Variants in PDZD2 observed in about 807,000 individuals in gnomAD.
PDZD2 encodes PDZ domain containing 2.
Under a neutral mutation model 220.7 loss-of-function variants are expected in PDZD2, and 90 were observed. The ratio of observed to expected loss-of-function variants is 0.41; its 90% confidence interval spans 0.34 to 0.49. The LOEUF is 0.49. PDZD2 is among the 20% of genes least tolerant of loss of function. The pLI is 0.28. For synonymous variants in PDZD2, 1,375 were observed against 1,450.5 expected (o/e 0.95, Z 1.18); for missense variants, 3,174 against 3,608.5 (o/e 0.88, Z 3.08).
At chr5:32,058,770 A>G (rs1391937409) in intron 12 of PDZD2, among the ~76,000 whole-genome samples, 1 of 152,182 alleles carries the variant, frequency 6.6e-6, no homozygotes, top group Non-Finnish European at 1.5e-5. Context: ...TACAGTTAAC[A>G]CTAGTAACTA....
chr5:32,039,556 CCT>C (rs1298264860), intron 7 of PDZD2, among the ~76,000 whole-genome samples: 1 of 152,178 alleles, frequency 6.6e-6, no homozygotes, highest in African/African-American at 2.4e-5. Context: ...AGCGTCTCTG[CCT>C]GGCCACCCAT....
chr5:31,795,120 A>T (rs1753951776), intron 1 of PDZD2, among the ~76,000 whole-genome samples: 1 of 152,172 alleles, frequency 6.6e-6, no homozygotes, highest in Admixed American at 6.5e-5. Context: ...AGAAAGATTA[A>T]ATTTAACTTC....
rs572694272 is a variant in PDZD2 at position 31,764,454 on chromosome 5, G to A, written c.-360-34435G>A. On this transcript the variant is annotated intron_variant, in intron 1 of 24. Coordinates refer to ENST00000438447, the MANE Select transcript of PDZD2 (RefSeq NM_178140.4). ...GAACTTCTGGAATATTTGCCTCTAA[G>A]AAGTAGGGCAACCTCGAGTCAAAGC... Among the ~76,000 whole-genome samples the A allele has an allele frequency of 3.7e-4, 57 of 152,260 alleles. 2 individuals are homozygous for A. In the South Asian group the frequency reaches 0.011, roughly 30 times the overall value.
intron 2 of PDZD2, among the ~76,000 whole-genome samples, chr5:31,929,468 C>A (rs1745062325): frequency 6.6e-6 from 1 of 152,218 alleles, no homozygotes; most frequent in African/African-American, 2.4e-5. Flanking sequence ...TTTAAAATAT[C>A]TGCGGACAGT....
rs577770356 is a variant in PDZD2 at position 31,763,868 on chromosome 5, A to AT, written c.-360-35019dup. Among the ~76,000 whole-genome samples, 964 of 109,094 alleles carry AT rather than the reference A, an allele frequency of 8.8e-3. 11 individuals are homozygous for AT. Among genetic ancestry groups the AT allele is most frequent in the African/African-American group, 0.034 (899 of 26,400 alleles). 71.6% of individuals were successfully genotyped at this position (109,094 alleles called of 152,430 possible). A position where few individuals can be genotyped will look rare whatever the true frequency, so the allele number is the denominator to read the frequency against. ...GTAAAGGAGAGGAGGGAGCCCTCTG[A>AT]TTAAAAAAAAAAAAAAAAAAGTCAT... On this transcript the variant is annotated intron_variant, in intron 1 of 24. Transcript: ENST00000438447.
At position 32,083,967 on chromosome 5, in the gene PDZD2, C is replaced by T. The variant is rs756678838; in HGVS notation, c.3683-3164C>T. Among the ~76,000 whole-genome samples the T allele has an allele frequency of 6.6e-6, 1 of 152,140 alleles. No homozygotes were observed. Among genetic ancestry groups the T allele is most frequent in the African/African-American group, 2.4e-5 (1 of 41,430 alleles). ...TGCTGGGATTACAGGCATGAGCCAC[C>T]GCCCACGGCCTGAATATGAAATTTA... On this transcript the variant is annotated intron_variant, in intron 19 of 24. Coordinates refer to ENST00000438447, the MANE Select transcript of PDZD2 (RefSeq NM_178140.4). This position sits in a 1 kb window ranked among gnomAD's most constrained non-coding sequence, Gnocchi z 4.1.
chr5:31,755,046 G>A (rs1580692856), intron 1 of PDZD2, among the ~76,000 whole-genome samples: 1 of 152,308 alleles, frequency 6.6e-6, no homozygotes, highest in East Asian at 1.9e-4. Flanking sequence ...GTGATGTGGG[G>A]CATCCTGCTT....
At chr5:31,938,574 C>T (rs533715393) in intron 2 of PDZD2, among the ~76,000 whole-genome samples, 26 of 152,108 alleles carry the variant, frequency 1.7e-4, no homozygotes, top group African/African-American at 6.0e-4. Context: ...TCTGGTAATT[C>T]ACACAAGTCA....
intron 3 of PDZD2, among the ~76,000 whole-genome samples, chr5:31,984,254 G>C (rs1048127366): frequency 3.3e-5 from 5 of 152,210 alleles, no homozygotes; most frequent in Non-Finnish European, 7.3e-5. Flanking sequence ...AAATCCAGCT[G>C]TGAGGGTCAA....
intron 1 of PDZD2, among the ~76,000 whole-genome samples, chr5:31,675,992 G>A (rs965644320): frequency 1.3e-5 from 2 of 152,262 alleles, no homozygotes; most frequent in South Asian, 2.1e-4. Context: ...GTGAGCCACC[G>A]TGCCCAGCCT....
chr5:31,787,654 T>A (rs565409940), intron 1 of PDZD2: 1 of 152,106 alleles, frequency 6.6e-6, no homozygotes, highest in Non-Finnish European at 1.5e-5. Context: ...AACCCAGAAA[T>A]TGAAGGATCT....
At chr5:32,069,699 A>G in intron 15 of PDZD2, 49 bp downstream of exon 15, 1 of 951,980 alleles carries the variant, frequency 1.1e-6, no homozygotes. Context: ...GTTTCTCATT[A>G]AGTTCACCCA....
intron 1 of PDZD2, among the ~76,000 whole-genome samples, chr5:31,698,046 T>G (rs57055582): frequency 0.45 from 67,872 of 149,840 alleles, 15,957 homozygotes; most frequent in East Asian, 0.62. Flanking sequence ...GGGACTACAG[T>G]TGCGTGCCAC....
chr5:31,674,793 A>T (rs1042844789), intron 1 of PDZD2, among the ~76,000 whole-genome samples: 10 of 151,756 alleles, frequency 6.6e-5, no homozygotes, highest in African/African-American at 1.2e-4. Flanking sequence ...TGGTACTGTG[A>T]GCTCTATTTT....
chr5:31,671,351 A>G (rs1211105993), intron 1 of PDZD2, among the ~76,000 whole-genome samples: 1 of 152,200 alleles, frequency 6.6e-6, no homozygotes, highest in Non-Finnish European at 1.5e-5. Flanking sequence ...CCTTATTCTC[A>G]CTGCTAGGGC....
intron 2 of PDZD2, among the ~76,000 whole-genome samples, chr5:31,946,741 G>T (rs1306406928): frequency 1.3e-5 from 2 of 152,192 alleles, no homozygotes; most frequent in African/African-American, 4.8e-5. Flanking sequence ...GCCCAGGTTG[G>T]AGTGCACTGG....
At chr5:31,911,146 C>T (rs1282026277) in intron 2 of PDZD2, among the ~76,000 whole-genome samples, 1 of 152,012 alleles carries the variant, frequency 6.6e-6, no homozygotes, top group Non-Finnish European at 1.5e-5. Flanking sequence ...TATATTTTGA[C>T]ATGTATGGTA....
rs547692307 is a variant in PDZD2 at position 31,745,081 on chromosome 5, T to A, written c.-360-53808T>A. ...GAGGGAGACTCCGTCTCAAAAAAAATAAATAAATAAATAAATAAAATAAAA... is the reference window on the plus strand; with the variant it reads ...GAGGGAGACTCCGTCTCAAAAAAAAAAAATAAATAAATAAATAAAATAAAA... On this transcript the variant is annotated intron_variant, in intron 1 of 24. Coordinates refer to ENST00000438447, the MANE Select transcript of PDZD2 (RefSeq NM_178140.4). Among the ~76,000 whole-genome samples, 704 of 151,856 alleles carry A rather than the reference T, an allele frequency of 4.6e-3. 3 individuals carry two copies. The highest frequency in any genetic ancestry group is 0.018 in the South Asian group (85 of 4,810).
At chr5:31,870,605 T>C (rs571571478) in intron 2 of PDZD2, among the ~76,000 whole-genome samples, 80 of 152,244 alleles carry the variant, frequency 5.3e-4, no homozygotes, top group African/African-American at 1.7e-3. Context: ...TGGAACAAGT[T>C]GGCCAGGCGT....
Sources: allele counts gnomAD v4.1 joint callset (sites outside exome capture counted in the v4.1 genomes callset), GRCh38; gene constraint gnomAD v4.1.1; non-coding constraint Gnocchi (gnomAD v3.1); transcripts MANE v1.5; gene names NCBI Gene and HGNC (gene_info 2026-07-23, HGNC 2026-07-21).